GRIN3A: variants seen among roughly 807,000 people sequenced by gnomAD.
GRIN3A encodes the protein glutamate ionotropic receptor NMDA type subunit 3A.
Under a neutral mutation model 92.4 loss-of-function variants are expected in GRIN3A, and 47 were observed. That is an observed-to-expected ratio of 0.51 (90% CI 0.40 to 0.65). The LOEUF (loss-of-function observed/expected upper bound fraction) is 0.65. Ranked by LOEUF, GRIN3A falls within the 30% of genes least tolerant of loss-of-function variation. The pLI is 0.00. For synonymous variants in GRIN3A, 527 were observed against 540.6 expected (o/e 0.97, Z 0.35); for missense variants, 1,324 against 1,393.1 (o/e 0.95, Z 0.79).
chr9:101,627,331 A>G (rs1372738688), intron 4 of GRIN3A, among the ~76,000 whole-genome samples: 1 of 152,222 alleles, frequency 6.6e-6, no homozygotes, highest in African/African-American at 2.4e-5. Flanking sequence ...AAATTTTTTA[A>G]GTGGCATGTT....
At chr9:101,677,910 T>C (rs932246469) in intron 2 of GRIN3A, among the ~76,000 whole-genome samples, 1 of 152,140 alleles carries the variant, frequency 6.6e-6, no homozygotes, top group African/African-American at 2.4e-5. Flanking sequence ...GCAGTTTATT[T>C]ATCTCATCTT....
chr9:101,725,303 GAGC>G (rs1380375584), intron 1 of GRIN3A, among the ~76,000 whole-genome samples: 1 of 152,148 alleles, frequency 6.6e-6, no homozygotes, highest in African/African-American at 2.4e-5. Context: ...TAGCAGCAGT[GAGC>G]AGAATGGTCT....
chr9:101,633,255 T>C (rs1588258807), intron 3 of GRIN3A, among the ~76,000 whole-genome samples: 1 of 152,224 alleles, frequency 6.6e-6, no homozygotes, highest in African/African-American at 2.4e-5. Flanking sequence ...AATTCATCAG[T>C]GAAATGTAGT....
At chr9:101,626,944 C>T (rs911238872) in intron 4 of GRIN3A, among the ~76,000 whole-genome samples, 6 of 152,186 alleles carry the variant, frequency 3.9e-5, no homozygotes, top group Non-Finnish European at 7.3e-5. Context: ...GGCACGTGGG[C>T]CTTCTCAGGT....
chr9:101,703,684 T>A (rs529775447), intron 1 of GRIN3A, among the ~76,000 whole-genome samples: 2 of 152,228 alleles, frequency 1.3e-5, no homozygotes, highest in Non-Finnish European at 2.9e-5. Context: ...CTCTGTATCA[T>A]GCATTAAAAT....
intron 5 of GRIN3A, among the ~76,000 whole-genome samples, chr9:101,619,939 G>A (rs187892978): frequency 2.0e-3 from 310 of 152,164 alleles, no homozygotes; most frequent in African/African-American, 6.8e-3. Context: ...ACATGCTTTC[G>A]CATCCTTAAT....
chr9:101,712,258 A>G (rs1259724235), intron 1 of GRIN3A, among the ~76,000 whole-genome samples: 1 of 152,168 alleles, frequency 6.6e-6, no homozygotes, highest in African/African-American at 2.4e-5. Context: ...TACACTTACT[A>G]TCTGATGGTT....
At chr9:101,729,997 G>A (rs1830120013) in intron 1 of GRIN3A, among the ~76,000 whole-genome samples, 1 of 152,146 alleles carries the variant, frequency 6.6e-6, no homozygotes, top group Non-Finnish European at 1.5e-5. Context: ...CCTATGAGAA[G>A]TTATAGCAAT....
chr9:101,613,663 A>T (rs1828401611), intron 5 of GRIN3A, 136 bp from the exon 6 acceptor site: 5 of 782,534 alleles, frequency 6.4e-6, no homozygotes, highest in Non-Finnish European at 1.1e-5. Flanking sequence ...CTTTCAAAGC[A>T]CTCAAAGACA....
intron 2 of GRIN3A, among the ~76,000 whole-genome samples, chr9:101,678,751 T>C (rs546670284): frequency 1.1e-3 from 160 of 152,284 alleles, no homozygotes; most frequent in African/African-American, 3.7e-3. Flanking sequence ...TTGGTGTGTA[T>C]GAGGGGCTTG....
At chr9:101,679,316 G>A (rs1356798313) in intron 2 of GRIN3A, among the ~76,000 whole-genome samples, 1 of 152,050 alleles carries the variant, frequency 6.6e-6, no homozygotes, top group Non-Finnish European at 1.5e-5. Context: ...TCCTTCTCGG[G>A]CACATAAAAG....
chr9:101,736,225 A>G (rs1564155593), intron 1 of GRIN3A, among the ~76,000 whole-genome samples: 2 of 152,236 alleles, frequency 1.3e-5, no homozygotes, highest in Non-Finnish European at 2.9e-5. Flanking sequence ...TCAAGTCCCC[A>G]GACTTTTCTC....
At chr9:101,728,737 A>C (rs1417982347) in intron 1 of GRIN3A, among the ~76,000 whole-genome samples, 2 of 152,224 alleles carry the variant, frequency 1.3e-5, no homozygotes, top group Non-Finnish European at 2.9e-5. Flanking sequence ...TAATCTGTGT[A>C]AATGCACAGG....
rs577092516 is a variant in GRIN3A at position 101,705,017 on chromosome 9, AG to A, written c.700-17818del. On this transcript the variant is annotated intron_variant, in intron 1 of 8. Coordinates refer to ENST00000361820, the MANE Select transcript of GRIN3A (RefSeq NM_133445.3). Reference sequence around the variant, plus strand: ...AATAAGATAATACATTTGATAAGGAAGGGGGGGCAGGGAAATGCTGGGTAGA... The same window carrying A: ...AATAAGATAATACATTTGATAAGGAAGGGGGGCAGGGAAATGCTGGGTAGA... Among the ~76,000 whole-genome samples, 766 of 152,090 alleles carry A rather than the reference AG, an allele frequency of 5.0e-3. 4 individuals carry two copies. Among genetic ancestry groups the A allele is most frequent in the Non-Finnish European group, 7.5e-3 (512 of 67,984 alleles).
In GRIN3A at chr9:101,675,725, A is replaced by G. The variant is rs183346688; in HGVS notation, c.1305-4618T>C. Among the ~76,000 whole-genome samples the G allele has an allele frequency of 5.9e-5, 9 of 151,914 alleles. No homozygotes were observed. The East Asian group carries it at 1.7e-3, about 29-fold the overall frequency. Reference sequence around the variant, plus strand: ...TTGATTTATTGTATTTTTCACATATAAAAATCTGCTGCTTAAGTTTATAGC... The same window carrying G: ...TTGATTTATTGTATTTTTCACATATGAAAATCTGCTGCTTAAGTTTATAGC... On this transcript the variant is annotated intron_variant, in intron 2 of 8. Transcript: ENST00000361820.
In GRIN3A at chr9:101,666,008, C is replaced by T. The variant is rs534832485; in HGVS notation, c.2352+4052G>A. Among the ~76,000 whole-genome samples, 131 of 152,002 alleles carry T rather than the reference C, an allele frequency of 8.6e-4. 1 individual carries two copies. The highest frequency in any genetic ancestry group is 1.7e-3 in the Non-Finnish European group (115 of 67,912). ...AGGCATATGATTCCCATAGTCACCT[C>T]AGAAAATTAGAATTCAAAGTATAGA... is the stretch of plus-strand genomic sequence containing the variant. On this transcript the variant is annotated intron_variant, in intron 3 of 8. Coordinates refer to ENST00000361820, the MANE Select transcript of GRIN3A (RefSeq NM_133445.3).
chr9:101,671,053 A>G lies in GRIN3A; in HGVS notation c.1359T>C (p.Gly453=), dbSNP rs555627105. The change falls in exon 3 of 9, where the codon GGT becomes GGC. Residue 453 remains glycine (G), a synonymous_variant. Coordinates refer to ENST00000361820, the MANE Select transcript of GRIN3A (RefSeq NM_133445.3). The part of the protein sequence containing the change: ...RGLSGSIRVK[G]STIVSSENNF... ...TGTTTTCTGAGCTGACGATGGTGGA[A>G]CCTTTTACTCTGATGGAACCACTGA... 13 of 1,613,940 alleles carry G rather than the reference A, an allele frequency of 8.1e-6. No homozygotes were observed. Among genetic ancestry groups the G allele is most frequent in the African/African-American group, 4.0e-5 (3 of 75,038 alleles).
At chr9:101,717,509 G>A (rs1829962475) in intron 1 of GRIN3A, among the ~76,000 whole-genome samples, 1 of 152,170 alleles carries the variant, frequency 6.6e-6, no homozygotes, top group Non-Finnish European at 1.5e-5. Context: ...AATGACGGAT[G>A]AGCAGTGAGT....
At chr9:101,684,789 G>C (rs1829510025) in intron 2 of GRIN3A, among the ~76,000 whole-genome samples, 1 of 152,142 alleles carries the variant, frequency 6.6e-6, no homozygotes, top group South Asian at 2.1e-4. Context: ...TTTTACATGA[G>C]ACAAAAAGAT....
Sources: gnomAD v4.1 joint callset for allele counts (sites outside exome capture counted in the v4.1 genomes callset) on GRCh38, gnomAD v4.1.1 for gene constraint, MANE v1.5 for transcripts, NCBI Gene and HGNC (gene_info 2026-07-23, HGNC 2026-07-21) for gene names.